The following MCUB variants were observed in gnomAD, a reference collection of about 807,000 sequenced individuals.
The protein encoded by MCUB is mitochondrial calcium uniporter dominant negative subunit beta.
In MCUB, 46 loss-of-function variants were observed where a neutral mutation model predicts 41.4. The observed-to-expected ratio is 1.11, with a 90% CI of 0.88 to 1.42. The LOEUF (loss-of-function observed/expected upper bound fraction) is 1.42, where lower values mean the gene tolerates loss of function less well. MCUB is among the 40% of genes most tolerant of loss of function. The probability of loss-of-function intolerance (pLI) is 0.00; values close to 1 mark genes in which losing one functional copy is unlikely to be tolerated. For synonymous variants in MCUB, 148 were observed against 148.2 expected (o/e 1.00, Z 0.01); for missense variants, 403 against 404.9 (o/e 1.00, Z 0.04).
chr4:109,601,392 C>A (rs1199689566), intron 1 of MCUB, among the ~76,000 whole-genome samples: 1 of 152,084 alleles, frequency 6.6e-6, no homozygotes, highest in Non-Finnish European at 1.5e-5. Context: ...CCTTCCCTAC[C>A]CCTGTTACCC....
At chr4:109,639,005 C>T (rs546242831) in intron 1 of MCUB, among the ~76,000 whole-genome samples, 35 of 152,226 alleles carry the variant, frequency 2.3e-4, no homozygotes, top group South Asian at 1.5e-3. Flanking sequence ...CAAAGTCATC[C>T]GAGAGGGTTG....
intron 1 of MCUB, among the ~76,000 whole-genome samples, chr4:109,613,356 C>T (rs1728059620): frequency 6.6e-6 from 1 of 152,156 alleles, no homozygotes; most frequent in South Asian, 2.1e-4. Flanking sequence ...ATGCTGAGGT[C>T]TCTCGCAGGC....
At chr4:109,683,418 G>GT (rs1167748594) in intron 5 of MCUB, among the ~76,000 whole-genome samples, 5 of 151,872 alleles carry the variant, frequency 3.3e-5, no homozygotes, top group East Asian at 1.9e-4. Context: ...GACTTGTTTG[G>GT]TTTTTTTTAT....
chr4:109,623,309 G>A (rs1348646551), intron 1 of MCUB, among the ~76,000 whole-genome samples: 3 of 152,222 alleles, frequency 2.0e-5, no homozygotes, highest in Admixed American at 2.0e-4. Flanking sequence ...TACTGATGAT[G>A]CCAGCTAGGG....
At chr4:109,663,793 G>A (rs1729277895) in intron 3 of MCUB, among the ~76,000 whole-genome samples, 1 of 152,232 alleles carries the variant, frequency 6.6e-6, no homozygotes, top group African/African-American at 2.4e-5. Context: ...AGAGGAGTAT[G>A]TCAACAGGCT....
intron 1 of MCUB, among the ~76,000 whole-genome samples, chr4:109,619,159 C>T (rs1003711020): frequency 2.0e-5 from 3 of 152,048 alleles, no homozygotes; most frequent in Non-Finnish European, 4.4e-5. Flanking sequence ...TTCTGCCTCC[C>T]AGGTTCAAGC....
At chr4:109,675,096 GAAAAA>G (rs773699000) in intron 4 of MCUB, among the ~76,000 whole-genome samples, 2 of 151,776 alleles carry the variant, frequency 1.3e-5, no homozygotes, top group Non-Finnish European at 2.9e-5. Context: ...ATGTCAAAAA[GAAAAA>G]AAAGAAAAGG....
intron 1 of MCUB, among the ~76,000 whole-genome samples, chr4:109,586,715 A>C (rs2126127784): frequency 6.6e-6 from 1 of 152,218 alleles, no homozygotes; most frequent in African/African-American, 2.4e-5. Context: ...CAGGTCCCTC[A>C]GCTGCAGGTC....
chr4:109,687,449 TCAAG>T (rs1729873161), intron 7 of MCUB, 62 bp from the exon 8 acceptor site: 1 of 1,108,898 alleles, frequency 9.0e-7, no homozygotes, highest in Admixed American at 1.8e-5. Flanking sequence ...AGAATTCCTC[TCAAG>T]CAGTAATGTT....
intron 4 of MCUB, among the ~76,000 whole-genome samples, chr4:109,680,858 G>C (rs1294435415): frequency 6.6e-6 from 1 of 152,154 alleles, no homozygotes; most frequent in Admixed American, 6.5e-5. Context: ...CCTCCCTCAG[G>C]TTCTCTTAAC....
chr4:109,641,760 T>G (rs1050851375), intron 1 of MCUB, among the ~76,000 whole-genome samples: 1 of 152,242 alleles, frequency 6.6e-6, no homozygotes, highest in African/African-American at 2.4e-5. Flanking sequence ...CTCTGTGTAT[T>G]CAAACCTCCT....
chr4:109,578,104 G>A (rs923908596), intron 1 of MCUB, among the ~76,000 whole-genome samples: 2 of 152,182 alleles, frequency 1.3e-5, no homozygotes, highest in African/African-American at 4.8e-5. Context: ...GTTTGGCTCA[G>A]TATCGTATCT....
chr4:109,603,700 C>A (rs562621772), intron 1 of MCUB, among the ~76,000 whole-genome samples: 166 of 150,906 alleles, frequency 1.1e-3, no homozygotes, highest in South Asian at 1.9e-3. Context: ...TGAGGAGCGC[C>A]TCTGTCCGGC....
intron 1 of MCUB, among the ~76,000 whole-genome samples, chr4:109,656,573 A>G (rs1445332686): frequency 1.3e-5 from 2 of 151,056 alleles, no homozygotes; most frequent in African/African-American, 4.9e-5. Flanking sequence ...ACAGGGTTTC[A>G]CCATGTTACC....
At chr4:109,630,546 G>A (rs1728452602) in intron 1 of MCUB, among the ~76,000 whole-genome samples, 1 of 151,756 alleles carries the variant, frequency 6.6e-6, no homozygotes, top group Admixed American at 6.6e-5. Context: ...ATACATAAAT[G>A]ATTTCAGCTG....
intron 1 of MCUB, among the ~76,000 whole-genome samples, chr4:109,596,459 G>GT (rs1727557333): frequency 6.7e-6 from 1 of 150,310 alleles, no homozygotes; most frequent in South Asian, 2.2e-4. Flanking sequence ...ACCAGACCAG[G>GT]TTAGACCTTT....
At chr4:109,589,148 T>C (rs1185499657) in intron 1 of MCUB, among the ~76,000 whole-genome samples, 1 of 152,226 alleles carries the variant, frequency 6.6e-6, no homozygotes, top group Non-Finnish European at 1.5e-5. Context: ...TTTACAGATT[T>C]CTTTGTAAGG....
chr4:109,584,257 C>T (rs1727251495), intron 1 of MCUB, among the ~76,000 whole-genome samples: 1 of 152,132 alleles, frequency 6.6e-6, no homozygotes, highest in African/African-American at 2.4e-5. Context: ...ATAGTATTCT[C>T]TGATGGTAGT....
At chr4:109,617,786 G>A (rs1400543687) in intron 1 of MCUB, among the ~76,000 whole-genome samples, 2 of 151,830 alleles carry the variant, frequency 1.3e-5, no homozygotes, top group African/African-American at 4.8e-5. Context: ...AATCTAATTA[G>A]GTATTTATTA....
Sources: allele counts gnomAD v4.1 joint callset (sites outside exome capture counted in the v4.1 genomes callset), GRCh38; gene constraint gnomAD v4.1.1; transcripts MANE v1.5; gene names NCBI Gene and HGNC (gene_info 2026-07-23, HGNC 2026-07-21).